Variants in IQCH observed in about 807,000 individuals in gnomAD.
The protein encoded by IQCH is IQ motif containing H.
In IQCH, 98 loss-of-function variants were observed where a neutral mutation model predicts 117.0. The ratio of observed to expected loss-of-function variants is 0.84; its 90% CI spans 0.71 to 0.99. The LOEUF is 0.99. Ranked by LOEUF, IQCH falls within the 50% of genes least tolerant of loss-of-function variation. The probability of loss-of-function intolerance (pLI) is 0.00; values close to 1 mark genes in which losing one functional copy is unlikely to be tolerated. For synonymous variants in IQCH, 412 were observed against 448.2 expected (o/e 0.92, Z 1.02); for missense variants, 1,102 against 1,243.8 (o/e 0.89, Z 1.72).
rs542745101 is a variant in IQCH at position 67,372,151 on chromosome 15, T to C, written c.794T>C (p.Leu265Pro). The change falls in exon 9 of 21, where the codon CTG (leucine) becomes CCG (proline). Residue 265 changes from leucine (L) to proline (P), a missense_variant. By Grantham distance (98) the Leu-to-Pro change is moderately conservative (BLOSUM62 -3). This residue lies in a region of IQCH where 452 missense variants were observed against 449.6 expected (regional missense o/e 1.01). Transcript: ENST00000335894. ...ACACCTTTGAGAGCCCTGAAATCAC[T>C]GTGGGATTATGACTTTTTAATTTAT... ...VKTPLRALKS[L>P]WDYDFLIYDG... 4 of 1,613,182 alleles carry C rather than the reference T, an allele frequency of 2.5e-6. No individual in the cohort carries two copies. Among genetic ancestry groups the C allele is most frequent in the Non-Finnish European group, 3.4e-6 (4 of 1,179,694 alleles).
intron 8 of IQCH, among the ~76,000 whole-genome samples, chr15:67,361,081 C>G (rs1409633215): frequency 6.6e-6 from 1 of 152,212 alleles, no homozygotes; most frequent in African/African-American, 2.4e-5. Context: ...CAGGCAGAAC[C>G]TATGTGCTGC....
chr15:67,412,257 C>T lies in IQCH; in HGVS notation c.2098-4674C>T, dbSNP rs2081468983. On this transcript the variant is annotated intron_variant, in intron 14 of 20. Coordinates refer to ENST00000335894, the MANE Select transcript of IQCH (RefSeq NM_001031715.3). ...TATATATTTTTATTTCCACACTTCCCAAGTCATTAGCTCTAAATGATCTGT... is the reference window on the plus strand; with the variant it reads ...TATATATTTTTATTTCCACACTTCCTAAGTCATTAGCTCTAAATGATCTGT... Among the ~76,000 whole-genome samples, 3 of 152,164 alleles carry T rather than the reference C, an allele frequency of 2.0e-5. No individual in the cohort carries two copies. In the South Asian group the frequency reaches 6.2e-4, roughly 32 times the overall value.
At position 67,372,616 on chromosome 15, in the gene IQCH, A is replaced by G; in HGVS notation, c.1259A>G (p.Lys420Arg). Reference protein sequence around the residue: ...CHKTRLKKILKESRQRHLENF... With the variant: ...CHKTRLKKILRESRQRHLENF... ...AAGACTCGACTAAAGAAGATACTAA[A>G]GGAATCACGTCAGAGACACCTGGAG... The change falls in exon 9 of 21, where the codon AAG (lysine) becomes AGG (arginine). Residue 420 changes from lysine to arginine, a missense_variant. By Grantham distance (26) the Lys-to-Arg change is conservative. This residue lies in a region of IQCH where 650 missense variants were observed against 794.3 expected (regional missense o/e 0.82). Transcript: ENST00000335894. 2 of 1,613,392 alleles carry G rather than the reference A, an allele frequency of 1.2e-6. No individual in the cohort carries two copies. Among genetic ancestry groups the G allele is most frequent in the Admixed American group, 3.3e-5 (2 of 59,890 alleles).
At chr15:67,266,107 C>A (rs1224800319) in intron 3 of IQCH, among the ~76,000 whole-genome samples, 3 of 151,030 alleles carry the variant, frequency 2.0e-5, no homozygotes, top group Non-Finnish European at 4.4e-5. Context: ...AGGATTTGGG[C>A]ATATATTCAT....
intron 4 of IQCH, among the ~76,000 whole-genome samples, chr15:67,317,997 A>G (rs1477860089): frequency 6.6e-6 from 1 of 152,148 alleles, no homozygotes; most frequent in Non-Finnish European, 1.5e-5. Flanking sequence ...TGGCTTTAGG[A>G]AGCAAACATG....
intron 16 of IQCH, among the ~76,000 whole-genome samples, chr15:67,452,515 T>C (rs1182906487): frequency 1.3e-5 from 2 of 152,262 alleles, no homozygotes; most frequent in South Asian, 2.1e-4. Context: ...AAATTCTGGG[T>C]TGAAAATTCT....
Position 67,411,222 on chromosome 15 carries a change from C to T in IQCH, c.2098-5709C>T, listed in dbSNP as rs555070493. Reference sequence around the variant, plus strand: ...GCTGATTCAAATCCGGAGCACCTTTCATGGTGCTCCCCACTTTACACTCTG... The same window carrying T: ...GCTGATTCAAATCCGGAGCACCTTTTATGGTGCTCCCCACTTTACACTCTG... On this transcript the variant is annotated intron_variant, in intron 14 of 20. Transcript: ENST00000335894. The surrounding 1 kb of genome is among the most constrained non-coding windows in gnomAD (Gnocchi z 4.4). 7.3e-4 allele frequency among the ~76,000 whole-genome samples: 111 copies of T among 152,302 alleles called. No homozygotes were observed. The highest frequency in any genetic ancestry group is 1.2e-3 in the Non-Finnish European group (85 of 68,020).
Position 67,453,060 on chromosome 15 carries a change from T to C in IQCH, c.2506-12067T>C, listed in dbSNP as rs989506818. Among the ~76,000 whole-genome samples, 11 of 152,348 alleles carry C rather than the reference T, an allele frequency of 7.2e-5. No homozygotes were observed. The highest frequency in any genetic ancestry group is 3.4e-3 in the Middle Eastern group (1 of 294). On this transcript the variant is annotated intron_variant, in intron 16 of 20. Coordinates refer to ENST00000335894, the MANE Select transcript of IQCH (RefSeq NM_001031715.3). The surrounding 1 kb of genome is among the most constrained non-coding windows in gnomAD (Gnocchi z 5.8). ...CATTCGTCACGTAGCTCTCGTGCCT[T>C]GGTTTTCAGCTCCATCAGGTCCTTT...
At chr15:67,420,865 A>G (rs2081719927) in intron 15 of IQCH, among the ~76,000 whole-genome samples, 2 of 152,204 alleles carry the variant, frequency 1.3e-5, no homozygotes, top group African/African-American at 4.8e-5. Context: ...CAAACCTTCA[A>G]AAAGCAGTGA....
intron 8 of IQCH, among the ~76,000 whole-genome samples, chr15:67,363,820 T>A (rs1970236683): frequency 6.6e-6 from 1 of 152,222 alleles, no homozygotes; most frequent in South Asian, 2.1e-4. Context: ...GGTTTTCTGT[T>A]CCTGTGTTAT....
chr15:67,350,264 C>T (rs1425488324), intron 6 of IQCH, among the ~76,000 whole-genome samples: 2 of 152,144 alleles, frequency 1.3e-5, no homozygotes, highest in African/African-American at 4.8e-5. Context: ...AGAAGCCAAA[C>T]TCAACAGGCT....
chr15:67,268,711 A>G (rs371139619), intron 3 of IQCH, among the ~76,000 whole-genome samples: 33 of 152,184 alleles, frequency 2.2e-4, no homozygotes, highest in East Asian at 1.5e-3. Context: ...TTGAAACACC[A>G]TGGATCCTAT....
chr15:67,371,606 T>C, intron 8 of IQCH: 1 of 881,506 alleles, frequency 1.1e-6, no homozygotes, highest in Non-Finnish European at 1.8e-6. Context: ...AGAAGAACTA[T>C]AAAATGCTAA....
rs2083341696 is a variant in IQCH at position 67,481,666 on chromosome 15, A to C, written c.2799+5848A>C. ...CTCCTACTGAAGCCTCATAGGCTTA[A>C]GATAACTGAAATTAAGAGAGAGGCA... On this transcript the variant is annotated intron_variant, in intron 18 of 20. Transcript: ENST00000335894. This position sits in a 1 kb window ranked among gnomAD's most constrained non-coding sequence, Gnocchi z 4.1. 6.6e-6 allele frequency among the ~76,000 whole-genome samples: 1 copy of C among 152,238 alleles called. No individual in the cohort carries two copies. Among genetic ancestry groups the C allele is most frequent in the Admixed American group, 6.5e-5 (1 of 15,282 alleles).
chr15:67,378,658 TTATAA>T (rs1326419690), intron 10 of IQCH, among the ~76,000 whole-genome samples: 1 of 152,076 alleles, frequency 6.6e-6, no homozygotes. Flanking sequence ...TCCCGTGATC[TTATAA>T]TATGAAATTA....
chr15:67,260,831 C>G (rs1302525164), intron 1 of IQCH, among the ~76,000 whole-genome samples: 1 of 152,074 alleles, frequency 6.6e-6, no homozygotes, highest in Non-Finnish European at 1.5e-5. Flanking sequence ...GGCATGGTGG[C>G]TCATGCCTGT....
chr15:67,272,594 A>G (rs1772619982), intron 3 of IQCH, among the ~76,000 whole-genome samples: 1 of 152,330 alleles, frequency 6.6e-6, no homozygotes, highest in East Asian at 1.9e-4. Flanking sequence ...TTTGCCTTAT[A>G]TACTTGGGTG....
chr15:67,341,071 G>T (rs1003470483), intron 5 of IQCH, among the ~76,000 whole-genome samples: 1 of 152,148 alleles, frequency 6.6e-6, no homozygotes, highest in Non-Finnish European at 1.5e-5. Context: ...AAAATGAGCC[G>T]GGTATGGTGG....
Position 67,413,865 on chromosome 15 carries a change from G to A in IQCH, c.2098-3066G>A, listed in dbSNP as rs1391992506. On this transcript the variant is annotated intron_variant, in intron 14 of 20. Transcript: ENST00000335894. This position sits in a 1 kb window ranked among gnomAD's most constrained non-coding sequence, Gnocchi z 5.0. ...CCTCTAGGAAATTTACCTCCTTACT[G>A]GGGCTTTGTGCACAGTGAAAACTCC... is the stretch of plus-strand genomic sequence containing the variant. 3.9e-5 allele frequency among the ~76,000 whole-genome samples: 6 copies of A among 152,152 alleles called. No individual in the cohort carries two copies. Among genetic ancestry groups the A allele is most frequent in the Non-Finnish European group, 7.3e-5 (5 of 68,028 alleles).
Sources: allele counts gnomAD v4.1 joint callset (sites outside exome capture counted in the v4.1 genomes callset), GRCh38; gene constraint gnomAD v4.1.1; regional missense constraint gnomAD v4.1.1; non-coding constraint Gnocchi (gnomAD v3.1); transcripts MANE v1.5; gene names NCBI Gene and HGNC (gene_info 2026-07-23, HGNC 2026-07-21).